The following ATP5F1A variants were observed in gnomAD, a reference collection of about 807,000 sequenced individuals.
The protein encoded by ATP5F1A is ATP synthase F(1) complex subunit alpha, mitochondrial.
Under a neutral mutation model 57.4 loss-of-function variants are expected in ATP5F1A, and 24 were observed. The ratio of observed to expected loss-of-function variants is 0.42; its 90% CI spans 0.30 to 0.59. The LOEUF is 0.59. Ranked by LOEUF, ATP5F1A falls within the 20% of genes least tolerant of loss-of-function variation. The pLI is 0.19. For missense variants in ATP5F1A, 494 were observed against 707.9 expected (o/e 0.70, Z 3.43); for synonymous variants, 251 against 255.5 (o/e 0.98, Z 0.17).
intron 1 of ATP5F1A, among the ~76,000 whole-genome samples, chr18:46,095,394 T>A (rs1000702453): frequency 6.6e-6 from 1 of 152,122 alleles, no homozygotes; most frequent in African/African-American, 2.4e-5. Flanking sequence ...TTGAGACGGC[T>A]CACTGCATCC....
At chr18:46,100,025 T>G (rs1037277119), upstream of ATP5F1A, among the ~76,000 whole-genome samples, 1 of 150,012 alleles carries the variant, frequency 6.7e-6, no homozygotes, top group Non-Finnish European at 1.5e-5. Context: ...CTGAGGCGGG[T>G]GGATCACCTG....
At chr18:46,092,617 TTA>T (rs10524147) in intron 2 of ATP5F1A, among the ~76,000 whole-genome samples, 43 of 146,406 alleles carry the variant, frequency 2.9e-4, no homozygotes, top group African/African-American at 2.8e-4. Context: ...CACACAAAAA[TTA>T]TATATATATA....
intron 1 of ATP5F1A, among the ~76,000 whole-genome samples, chr18:46,097,428 C>T (rs1911045266): frequency 6.6e-6 from 1 of 152,096 alleles, no homozygotes; most frequent in Non-Finnish European, 1.5e-5. Flanking sequence ...TTCTCTTTTA[C>T]TTGAATTCTC....
intron 3 of ATP5F1A, 97 bp downstream of exon 3, chr18:46,091,585 A>C: frequency 1.5e-6 from 2 of 1,316,098 alleles, no homozygotes; most frequent in Non-Finnish European, 1.0e-6. Flanking sequence ...AAATTAAGAC[A>C]AAGTTTTTTA....
chr18:46,080,937 C>T lies in ATP5F1A; in HGVS notation c.*3345G>A, dbSNP rs961638403. On this transcript the variant is annotated 3_prime_UTR_variant, in exon 12 of 12. Transcript: ENST00000398752. ...CTAAGGTCAGGAGTTCGAAACCAGC[C>T]TGGCCAACATGGTGAAACCCCGTCT... is the stretch of plus-strand genomic sequence containing the variant. 1.3e-5 allele frequency: 2 copies of T among 151,386 alleles called. No homozygotes were observed. Among genetic ancestry groups the T allele is most frequent in the African/African-American group, 4.9e-5 (2 of 41,202 alleles). The allele number at this position is 151,386 out of a possible 1,614,324, so 9.4% of individuals were successfully genotyped here.
At chr18:46,094,160 CACAT>C (rs1910765973) in intron 2 of ATP5F1A, among the ~76,000 whole-genome samples, 1 of 109,926 alleles carries the variant, frequency 9.1e-6, no homozygotes, top group South Asian at 2.9e-4. Context: ...GGTGTGTGTA[CACAT>C]ACACACACAC....
upstream of ATP5F1A, chr18:46,098,431 T>C: frequency 2.2e-6 from 3 of 1,352,710 alleles, no homozygotes; most frequent in South Asian, 3.4e-5. Flanking sequence ...TTATGTAACA[T>C]TTTTAAGTTT....
chr18:46,102,146 C>T (rs1216552398), upstream of ATP5F1A, among the ~76,000 whole-genome samples: 1 of 150,390 alleles, frequency 6.6e-6, no homozygotes, highest in Admixed American at 6.6e-5. Flanking sequence ...TGCACTCCAG[C>T]CTAGGCAACA....
At chr18:46,090,085 T>TGG (rs71264822) in intron 3 of ATP5F1A, 89 bp from the exon 4 acceptor site, 56 of 137,994 alleles carry the variant, frequency 4.1e-4, no homozygotes, top group South Asian at 1.0e-3. Context: ...AGTCGGGGGG[T>TGG]GGGGGGGGAA....
At chr18:46,089,178 G>A (rs576373555) in intron 5 of ATP5F1A, among the ~76,000 whole-genome samples, 15 of 151,918 alleles carry the variant, frequency 9.9e-5, no homozygotes, top group East Asian at 3.9e-4. Context: ...TATGCTGAGC[G>A]CCGTTCCCCT....
At chr18:46,086,842 T>C (rs1372657052) in intron 8 of ATP5F1A, 166 bp downstream of exon 8, 2 of 725,828 alleles carry the variant, frequency 2.8e-6, no homozygotes, top group Non-Finnish European at 4.5e-6. Context: ...GACAGATACA[T>C]GGGGTTTCAC....
At chr18:46,098,740 C>T (rs9962380), upstream of ATP5F1A, among the ~76,000 whole-genome samples, 58,383 of 151,958 alleles carry the variant, frequency 0.38, 11,596 homozygotes, top group Middle Eastern at 0.52. Context: ...CAGCAGGGAG[C>T]CTCCCACGGA....
intron 1 of ATP5F1A, among the ~76,000 whole-genome samples, chr18:46,096,500 C>CAAAAAAAAAAAA (rs770383471): frequency 9.9e-5 from 7 of 70,624 alleles, no homozygotes; most frequent in Non-Finnish European, 1.6e-4. Context: ...AACTCCGTCT[C>CAAAAAAAAAAAA]AAAAAAAAAA....
intron 8 of ATP5F1A, 33 bp downstream of exon 8, chr18:46,086,972 CTTT>C: frequency 6.3e-7 from 1 of 1,599,264 alleles, no homozygotes; most frequent in Non-Finnish European, 8.6e-7. Context: ...TTATCCAAAT[CTTT>C]TTTAACATTT....
At chr18:46,090,968 A>T (rs1003867353) in intron 3 of ATP5F1A, among the ~76,000 whole-genome samples, 5 of 152,228 alleles carry the variant, frequency 3.3e-5, no homozygotes, top group Admixed American at 2.6e-4. Flanking sequence ...TTTCAAAGAT[A>T]AATACTGTAC....
chr18:46,086,520 T>C (rs1599769996), intron 8 of ATP5F1A, 26 bp from the exon 9 acceptor site: 1 of 1,590,642 alleles, frequency 6.3e-7, no homozygotes, highest in Non-Finnish European at 8.6e-7. Flanking sequence ...ATACGCACGC[T>C]AGCAAGCTTA....
Position 46,088,251 on chromosome 18 carries a change from G to A in ATP5F1A, c.657C>T (p.Thr219=). The A allele has an allele frequency of 1.3e-6, 2 of 1,574,186 alleles. No individual in the cohort carries two copies. Among genetic ancestry groups the A allele is most frequent in the Admixed American group, 2.2e-5 (1 of 46,118 alleles). Residue 219 remains threonine, a synonymous_variant, in exon 6 of 12, where the codon ACC becomes ACT. Transcript: ENST00000398752. The part of the protein sequence containing the change: ...LIIGDRQTGK[T]SIAIDTIINQ... ...TAATGATTGTGTCAATAGCAATTGA[G>A]GTTTTCCTTTAAAAAGAGAAAGTAA... is the stretch of plus-strand genomic sequence containing the variant.
At chr18:46,090,658 T>C (rs754311206) in intron 3 of ATP5F1A, among the ~76,000 whole-genome samples, 1 of 152,192 alleles carries the variant, frequency 6.6e-6, no homozygotes, top group African/African-American at 2.4e-5. Context: ...TCATGGAATA[T>C]CATTACACAT....
rs1289606650 is a variant in ATP5F1A at position 46,089,709 on chromosome 18, A to G, written c.507T>C (p.Arg169=). The change falls in exon 5 of 12, where the codon CGT becomes CGC. Residue 169 remains arginine, a synonymous_variant. Transcript: ENST00000398752. ...DGKGPIGSKT[R]RRVGLKAPGI... The stretch of plus-strand genomic sequence containing the variant: ...CGGGGGCTTTCAGACCAACTCGCCT[A>G]CGCGTCTTGGAACCAATTGGACCCT... 1 of 1,614,022 alleles carries G rather than the reference A, an allele frequency of 6.2e-7. No individual in the cohort carries two copies. Among genetic ancestry groups the G allele is most frequent in the Non-Finnish European group, 8.5e-7 (1 of 1,179,964 alleles).
Sources: gnomAD v4.1 joint callset for allele counts (sites outside exome capture counted in the v4.1 genomes callset) on GRCh38, gnomAD v4.1.1 for gene constraint, MANE v1.5 for transcripts, NCBI Gene and HGNC (gene_info 2026-07-23, HGNC 2026-07-21) for gene names.